The following BRAF variants were observed in gnomAD, a reference collection of about 807,000 sequenced individuals.
BRAF encodes serine/threonine-protein kinase B-raf.
BRAF carries 16 observed loss-of-function variants against 104.6 expected under a neutral mutation model. That is an observed-to-expected ratio of 0.15 (90% CI 0.10 to 0.23). The LOEUF (loss-of-function observed/expected upper bound fraction) is 0.23. BRAF is among the 10% of genes least tolerant of loss of function. The probability of loss-of-function intolerance (pLI) is 1.00; values close to 1 mark genes in which losing one functional copy is unlikely to be tolerated. For synonymous variants in BRAF, 310 were observed against 341.6 expected (o/e 0.91, Z 1.02); for missense variants, 541 against 937.3 (o/e 0.58, Z 5.52).
In BRAF at chr7:140,721,835, C is replaced by T; in HGVS notation, c.*4659G>A. 7.4e-7 allele frequency: 1 copy of T among 1,351,694 alleles called. No homozygotes were observed. Among genetic ancestry groups the T allele is most frequent in the African/African-American group, 1.5e-5 (1 of 66,596 alleles). The allele number at this position is 1,351,694 out of a possible 1,614,324, so 83.7% of individuals were successfully genotyped here. ...CATAAAGGATGCCTTGAGACCTCCA[C>T]CCTGGCCCCCACAGCGCTTTGGGAC... On this transcript the variant is annotated 3_prime_UTR_variant, in exon 20 of 20. Transcript: ENST00000644969.
rs905497970 is a variant in BRAF at position 140,722,320 on chromosome 7, A to G, written c.*4174T>C. ...TTTAGTGCATTTACCTATGCAGTCT[A>G]AATTGCACTCTAAAAATTATTAACA... On this transcript the variant is annotated 3_prime_UTR_variant, in exon 20 of 20. Coordinates refer to ENST00000644969, the MANE Select transcript of BRAF (RefSeq NM_001374258.1). 2.2e-5 allele frequency: 23 copies of G among 1,055,436 alleles called. No homozygotes were observed. Among genetic ancestry groups the G allele is most frequent in the Non-Finnish European group, 2.6e-5 (23 of 873,034 alleles). 65.4% of individuals were successfully genotyped at this position (1,055,436 alleles called of 1,614,324 possible).
intron 1 of BRAF, among the ~76,000 whole-genome samples, chr7:140,914,444 A>C (rs1236146609): frequency 6.6e-6 from 1 of 152,222 alleles, no homozygotes; most frequent in Non-Finnish European, 1.5e-5. Flanking sequence ...CAAAAACTAA[A>C]GGGAGATGAA....
chr7:140,732,310 T>A (rs1410945624), intron 19 of BRAF: 1 of 149,102 alleles, frequency 6.7e-6, no homozygotes, highest in Non-Finnish European at 1.5e-5. Context: ...AATTACTTAG[T>A]CAAAGAGATT....
intron 2 of BRAF, among the ~76,000 whole-genome samples, chr7:140,841,965 GTTAA>G (rs1808015423): frequency 1.3e-5 from 2 of 152,168 alleles, no homozygotes; most frequent in African/African-American, 4.8e-5. Flanking sequence ...TTATCATTTA[GTTAA>G]TTAAATTTAG....
intron 5 of BRAF, among the ~76,000 whole-genome samples, chr7:140,806,814 C>T (rs1364461872): frequency 2.0e-5 from 3 of 152,122 alleles, no homozygotes; most frequent in Non-Finnish European, 2.9e-5. Context: ...TACAGAAACA[C>T]AAACATGATT....
At chr7:140,922,945 G>A (rs1209830468) in intron 1 of BRAF, among the ~76,000 whole-genome samples, 1 of 152,092 alleles carries the variant, frequency 6.6e-6, no homozygotes, top group African/African-American at 2.4e-5. Context: ...TTTCTCCTTA[G>A]AAATCAAGAA....
At chr7:140,734,893 T>A (rs1796285624) in intron 18 of BRAF, 123 bp from the exon 18 acceptor site, 2 of 1,103,714 alleles carry the variant, frequency 1.8e-6, no homozygotes, top group Admixed American at 6.0e-5. Flanking sequence ...AAGAGTCCCA[T>A]CACACTTTAC....
intron 3 of BRAF, chr7:140,833,860 T>C (rs1807045370): frequency 6.6e-6 from 1 of 152,206 alleles, no homozygotes; most frequent in Non-Finnish European, 1.5e-5. Context: ...AATGCCTCTA[T>C]AATAACATTT....
At chr7:140,810,674 C>T (rs956861610) in intron 3 of BRAF, among the ~76,000 whole-genome samples, 1 of 152,188 alleles carries the variant, frequency 6.6e-6, no homozygotes, top group Non-Finnish European at 1.5e-5. Context: ...CTGGATGGTA[C>T]AGTTGATCCT....
At chr7:140,818,843 T>C (rs1805168263) in intron 3 of BRAF, among the ~76,000 whole-genome samples, 1 of 152,234 alleles carries the variant, frequency 6.6e-6, no homozygotes, top group Non-Finnish European at 1.5e-5. Flanking sequence ...CTACCTTATT[T>C]TGAAGATAGC....
In BRAF at chr7:140,901,582, T is replaced by C. The variant is rs191302289; in HGVS notation, c.138+22984A>G. Among the ~76,000 whole-genome samples the C allele has an allele frequency of 1.1e-4, 16 of 152,364 alleles. No homozygotes were observed. The South Asian group carries it at 1.4e-3, about 14-fold the overall frequency. ...TGGATTTCAATAAATCCACTATCAA[T>C]TTGAGAAATACTAACATTTTTAACA... On this transcript the variant is annotated intron_variant, in intron 1 of 19. Transcript: ENST00000644969.
At chr7:140,860,715 A>G (rs764025268) in intron 1 of BRAF, among the ~76,000 whole-genome samples, 2 of 152,164 alleles carry the variant, frequency 1.3e-5, no homozygotes, top group Admixed American at 1.3e-4. Context: ...TAATAATACA[A>G]GAGTTGGTAA....
At chr7:140,868,362 G>A (rs1290064861) in intron 1 of BRAF, among the ~76,000 whole-genome samples, 1 of 152,076 alleles carries the variant, frequency 6.6e-6, no homozygotes, top group Non-Finnish European at 1.5e-5. Context: ...TAAATAAAAT[G>A]TCGCATATCC....
rs184887236 is a variant in BRAF, at chr7:140,804,253, G to A, written c.712-2693C>T. ...ACAGAGTCTCACTGTCACCCAGGCC[G>A]GAGTGCAGTGGCACGATCTCGGCTC... is the stretch of plus-strand genomic sequence containing the variant. On this transcript the variant is annotated intron_variant, in intron 5 of 19. Coordinates refer to ENST00000644969, the MANE Select transcript of BRAF (RefSeq NM_001374258.1). Among the ~76,000 whole-genome samples the A allele has an allele frequency of 2.9e-3, 441 of 151,756 alleles. 1 individual carries two copies. Among genetic ancestry groups the A allele is most frequent in the Non-Finnish European group, 4.7e-3 (320 of 67,956 alleles).
chr7:140,912,224 G>A (rs1182001133), intron 1 of BRAF, among the ~76,000 whole-genome samples: 10 of 152,024 alleles, frequency 6.6e-5, no homozygotes, highest in Admixed American at 5.9e-4. Flanking sequence ...ATACTGCTGC[G>A]GAGCTACTTT....
At chr7:140,895,847 A>G (rs1466508782) in intron 1 of BRAF, among the ~76,000 whole-genome samples, 1 of 152,106 alleles carries the variant, frequency 6.6e-6, no homozygotes, top group East Asian at 1.9e-4. Context: ...CTGATTCCAT[A>G]TCTTGGCTAC....
intron 14 of BRAF, among the ~76,000 whole-genome samples, chr7:140,760,082 T>C (rs991283113): frequency 6.6e-5 from 10 of 152,204 alleles, no homozygotes; most frequent in African/African-American, 2.4e-4. Context: ...CTGCTGGATC[T>C]AGCAACATGG....
chr7:140,914,657 G>C (rs1817378996), intron 1 of BRAF, among the ~76,000 whole-genome samples: 2 of 151,732 alleles, frequency 1.3e-5, no homozygotes, highest in Admixed American at 1.3e-4. Context: ...ATAACTGCTT[G>C]CTAGTCACAG....
chr7:140,746,839 A>G (rs1585988445), intron 17 of BRAF, among the ~76,000 whole-genome samples: 2 of 151,840 alleles, frequency 1.3e-5, no homozygotes, highest in East Asian at 3.9e-4. Flanking sequence ...TGGAAAAAAA[A>G]AAAAAGAAAA....
Sources: gnomAD v4.1 joint callset for allele counts (sites outside exome capture counted in the v4.1 genomes callset) on GRCh38, gnomAD v4.1.1 for gene constraint, MANE v1.5 for transcripts, NCBI Gene and HGNC (gene_info 2026-07-23, HGNC 2026-07-21) for gene names.